The following HERC4 variants were observed in gnomAD, a reference collection of about 807,000 sequenced individuals.
HERC4 encodes the protein probable E3 ubiquitin-protein ligase HERC4.
A neutral mutation model predicts 124.3 loss-of-function variants in HERC4; 28 were observed. The ratio of observed to expected loss-of-function variants is 0.23; its 90% CI spans 0.17 to 0.31. The LOEUF is 0.31. HERC4 is among the 10% of genes least tolerant of loss of function. The probability of loss-of-function intolerance (pLI) is 1.00; values close to 1 mark genes in which losing one functional copy is unlikely to be tolerated. For missense variants in HERC4, 713 were observed against 1,229.3 expected (o/e 0.58, Z 6.28); for synonymous variants, 407 against 421.5 (o/e 0.97, Z 0.42).
chr10:67,999,832 G>T (rs930150392), intron 9 of HERC4, among the ~76,000 whole-genome samples: 1 of 152,084 alleles, frequency 6.6e-6, no homozygotes, highest in Non-Finnish European at 1.5e-5. Flanking sequence ...AATGCTACCT[G>T]ATTCTCACTG....
Position 67,990,329 on chromosome 10 carries a change from C to A in HERC4, c.1515G>T (p.Arg505Ser). Residue 505 changes from arginine to serine, a missense_variant, in exon 14 of 25, where the codon AGG (arginine) becomes AGT (serine). Coordinates refer to ENST00000373700, the MANE Select transcript of HERC4 (RefSeq NM_015601.4). Reference sequence around the variant, plus strand: ...GACATTCTGGTAGAGTAAGATAAAACCTCAATGCTTCAACATCAGGTAAGG... The same window carrying A: ...GACATTCTGGTAGAGTAAGATAAAAACTCAATGCTTCAACATCAGGTAAGG... ...TSSLPDVEALRFYLTLPECPL... is the reference protein window; with the variant it reads ...TSSLPDVEALSFYLTLPECPL... 6.2e-7 allele frequency: 1 copy of A among 1,612,216 alleles called. No homozygotes were observed. Among genetic ancestry groups the A allele is most frequent in the Non-Finnish European group, 8.5e-7 (1 of 1,179,032 alleles).
chr10:68,032,185 A>T (rs934111388), intron 7 of HERC4, among the ~76,000 whole-genome samples: 2 of 152,266 alleles, frequency 1.3e-5, no homozygotes, highest in South Asian at 2.1e-4. Flanking sequence ...GGTAAAGGTT[A>T]ACTGAATGCT....
At chr10:68,033,646 A>C (rs1478600862) in intron 6 of HERC4, among the ~76,000 whole-genome samples, 2 of 152,238 alleles carry the variant, frequency 1.3e-5, no homozygotes, top group Admixed American at 1.3e-4. Context: ...TTACTTCCCC[A>C]GAATAATTTT....
At chr10:67,926,311 C>A (rs1229257866) in intron 23 of HERC4, among the ~76,000 whole-genome samples, 1 of 151,728 alleles carries the variant, frequency 6.6e-6, no homozygotes, top group African/African-American at 2.4e-5. Flanking sequence ...GCAGGAGAAT[C>A]GCTTGAACTT....
chr10:67,984,556 A>G (rs1351390930), intron 15 of HERC4, among the ~76,000 whole-genome samples: 1 of 151,972 alleles, frequency 6.6e-6, no homozygotes, highest in East Asian at 1.9e-4. Context: ...ATAAAAATAA[A>G]AATATTAAAA....
intron 8 of HERC4, among the ~76,000 whole-genome samples, chr10:68,025,328 T>C (rs886147986): frequency 6.6e-6 from 1 of 152,166 alleles, no homozygotes; most frequent in Non-Finnish European, 1.5e-5. Context: ...ATATACACTA[T>C]TAACATCTTG....
intron 19 of HERC4, among the ~76,000 whole-genome samples, chr10:67,947,456 A>C (rs1264836311): frequency 6.6e-6 from 1 of 152,246 alleles, no homozygotes; most frequent in Non-Finnish European, 1.5e-5. Flanking sequence ...AAAATATATA[A>C]GGCAAAAGCT....
chr10:68,063,680 G>GT (rs2133799340), intron 3 of HERC4, among the ~76,000 whole-genome samples: 1 of 152,304 alleles, frequency 6.6e-6, no homozygotes, highest in South Asian at 2.1e-4. Context: ...GCTCACACCT[G>GT]TAAACCCAGC....
chr10:67,976,967 T>C (rs887292072), intron 15 of HERC4, among the ~76,000 whole-genome samples: 2 of 152,172 alleles, frequency 1.3e-5, no homozygotes, highest in East Asian at 1.9e-4. Flanking sequence ...ACTTCAAACA[T>C]AGTGCAGGCC....
chr10:67,948,648 T>A (rs904451709), intron 19 of HERC4, among the ~76,000 whole-genome samples: 3 of 152,064 alleles, frequency 2.0e-5, no homozygotes, highest in African/African-American at 7.2e-5. Flanking sequence ...AGGCCAGGCA[T>A]GGTGGCTCAC....
chr10:67,922,962 A>G lies in HERC4; in HGVS notation c.3119T>C (p.Ile1040Thr). 1 of 1,612,972 alleles carries G rather than the reference A, an allele frequency of 6.2e-7. No homozygotes were observed. The highest frequency in any genetic ancestry group is 8.5e-7 in the Non-Finnish European group (1 of 1,179,296). Residue 1040 changes from isoleucine (I) to threonine (T), a missense_variant, in exon 25 of 25, where the codon ATT (isoleucine) becomes ACT (threonine). Coordinates refer to ENST00000373700, the MANE Select transcript of HERC4 (RefSeq NM_015601.4). Reference protein sequence around the residue: ...ETLRSKLIQAIDHNEGFSLI With the variant: ...ETLRSKLIQATDHNEGFSLI Reference sequence around the variant, plus strand: ...TAAACTGAAGCCTTCATTGTGATCAATAGCTTGGATCAGTTTAGAGCGTAG... The same window carrying G: ...TAAACTGAAGCCTTCATTGTGATCAGTAGCTTGGATCAGTTTAGAGCGTAG...
intron 19 of HERC4, among the ~76,000 whole-genome samples, chr10:67,947,839 CT>C (rs34189806): frequency 0.2 from 21,410 of 107,372 alleles, 1,699 homozygotes; most frequent in East Asian, 0.57. Flanking sequence ...ACAATACACT[CT>C]TTTTTTTTTT....
At chr10:67,945,903 T>TAGGA (rs374161271) in intron 19 of HERC4, among the ~76,000 whole-genome samples, 97 of 147,776 alleles carry the variant, frequency 6.6e-4, no homozygotes, top group African/African-American at 2.1e-3. Context: ...AGGAATGGAA[T>TAGGA]AGGAAGGAAG....
At chr10:67,960,778 GA>G (rs2034465806) in intron 16 of HERC4, 1 of 233,952 alleles carries the variant, frequency 4.3e-6, no homozygotes, top group African/African-American at 2.4e-5. Flanking sequence ...AGCCTTTCTA[GA>G]ACTACTACCT....
At chr10:67,962,260 T>A (rs139183973) in intron 16 of HERC4, among the ~76,000 whole-genome samples, 24 of 151,788 alleles carry the variant, frequency 1.6e-4, no homozygotes, top group African/African-American at 5.8e-4. Flanking sequence ...ATCTATGGCC[T>A]GCTTGATAAC....
rs2036519211 is a variant in HERC4, at chr10:67,990,984, A to G, written c.1363T>C (p.Phe455Leu). Residue 455 changes from phenylalanine (F) to leucine (L), a missense_variant, in exon 13 of 25, where the codon TTT becomes CTT. Phe to Leu is a conservative substitution (Grantham distance 22, BLOSUM62 0). Transcript: ENST00000373700. ...GCAGCATTCATATCAACCCCTGAAA[A>G]TCTGGTACCTGTTCTATAGTGATCA... ...NDDHYRTGTR[F>L]SGVDMNAARL... 1 of 1,607,152 alleles carries G rather than the reference A, an allele frequency of 6.2e-7. No homozygotes were observed. The highest frequency in any genetic ancestry group is 1.3e-5 in the African/African-American group (1 of 74,764).
At chr10:67,956,601 A>G (rs909918187) in intron 17 of HERC4, 1 of 213,566 alleles carries the variant, frequency 4.7e-6, no homozygotes, top group Non-Finnish European at 9.2e-6. Context: ...AACTAGTAAA[A>G]CGGTTTATAA....
chr10:68,002,482 A>G (rs1254206478), intron 9 of HERC4, among the ~76,000 whole-genome samples: 1 of 152,164 alleles, frequency 6.6e-6, no homozygotes, highest in African/African-American at 2.4e-5. Context: ...ATTAACATCA[A>G]TGAAAAAATA....
intron 9 of HERC4, among the ~76,000 whole-genome samples, chr10:68,010,000 T>G (rs1002257383): frequency 1.3e-5 from 2 of 152,056 alleles, no homozygotes; most frequent in African/African-American, 2.4e-5. Flanking sequence ...ATACATGATA[T>G]GGGGATTAAA....
Sources: gnomAD v4.1 joint callset for allele counts (sites outside exome capture counted in the v4.1 genomes callset) on GRCh38, gnomAD v4.1.1 for gene constraint, MANE v1.5 for transcripts, NCBI Gene and HGNC (gene_info 2026-07-23, HGNC 2026-07-21) for gene names.